Variants in ZFHX3 observed in about 807,000 individuals in gnomAD.
ZFHX3 encodes the protein zinc finger homeobox protein 3.
ZFHX3 carries 42 observed loss-of-function variants against 279.1 expected under a neutral mutation model. The ratio of observed to expected loss-of-function variants is 0.15; its 90% confidence interval spans 0.12 to 0.19. The LOEUF is 0.19. Among genes scored for constraint, ZFHX3 ranks in the 10% least tolerant of loss-of-function variants. ZFHX3 has a pLI of 1.00. For synonymous variants in ZFHX3, 2,293 were observed against 1,957.8 expected, an observed-to-expected ratio of 1.17 and a Z score of -4.52; for missense variants, 4,981 against 4,754.0, an observed-to-expected ratio of 1.05 and a Z score of -1.40.
chr16:73,852,774 G>T (rs1260986265), intron 1 of ZFHX3, among the ~76,000 whole-genome samples: 1 of 152,172 alleles, frequency 6.6e-6, no homozygotes, highest in African/African-American at 2.4e-5. Flanking sequence ...TGTTGGCTAG[G>T]ATTAGATCCT....
intron 2 of ZFHX3, among the ~76,000 whole-genome samples, chr16:73,540,165 C>A (rs1286030527): frequency 6.6e-6 from 1 of 152,170 alleles, no homozygotes; most frequent in Non-Finnish European, 1.5e-5. Flanking sequence ...GCCTGACGTG[C>A]CTGCTGGTTT....
At chr16:72,867,533 G>A (rs777164188) in intron 4 of ZFHX3, among the ~76,000 whole-genome samples, 8 of 152,144 alleles carry the variant, frequency 5.3e-5, no homozygotes, top group East Asian at 3.8e-4. Context: ...CCATGCTAAC[G>A]TTAATACCCT....
At chr16:73,619,560 T>C (rs532106886) in intron 2 of ZFHX3, among the ~76,000 whole-genome samples, 1 of 151,922 alleles carries the variant, frequency 6.6e-6, no homozygotes, top group African/African-American at 2.4e-5. Flanking sequence ...GCATTGCCTT[T>C]TTTGAACTCA....
At chr16:73,870,369 G>A (rs143199142) in intron 1 of ZFHX3, among the ~76,000 whole-genome samples, 4 of 152,190 alleles carry the variant, frequency 2.6e-5, no homozygotes, top group East Asian at 1.9e-4. Context: ...CGAAGCGTCC[G>A]CCCCACATGT....
chr16:73,451,082 C>A (rs563868116), intron 3 of ZFHX3, among the ~76,000 whole-genome samples: 1 of 152,286 alleles, frequency 6.6e-6, no homozygotes, highest in Non-Finnish European at 1.5e-5. Flanking sequence ...TCATAAGGCT[C>A]TCATGAGGCC....
intron 7 of ZFHX3, among the ~76,000 whole-genome samples, chr16:72,802,771 C>A (rs527360645): frequency 7.2e-5 from 11 of 152,310 alleles, no homozygotes; most frequent in African/African-American, 2.6e-4. Context: ...TCCCTTTGCC[C>A]ATTCTTCCCT....
rs184043052 is a variant in ZFHX3 at position 73,875,375 on chromosome 16, A to T, written c.-1608+16276T>A. Among the ~76,000 whole-genome samples, 258 of 152,318 alleles carry T rather than the reference A, an allele frequency of 1.7e-3. 1 individual carries two copies. Among genetic ancestry groups the T allele is most frequent in the African/African-American group, 5.7e-3 (238 of 41,588 alleles). On this transcript the variant is annotated intron_variant, in intron 1 of 17. Transcript: ENST00000641206. ...GCACGTAAGGTGCAAACACAGTTAC[A>T]AGGTTTTGCTGATTATTGTTATAAA...
rs535128076 is a variant in ZFHX3 at position 73,309,029 on chromosome 16, T to A, written c.-1194+9211A>T. 2.6e-5 allele frequency among the ~76,000 whole-genome samples: 4 copies of A among 152,244 alleles called. No individual in the cohort carries two copies. The South Asian group carries it at 8.3e-4, about 32-fold the overall frequency. Reference sequence around the variant, plus strand: ...AAAACAAGAAAGGGTGTTCCAAGATTGTGGAACACAGATGGGAAGCTATGA... The same window carrying A: ...AAAACAAGAAAGGGTGTTCCAAGATAGTGGAACACAGATGGGAAGCTATGA... On this transcript the variant is annotated intron_variant, in intron 4 of 17. Transcript: ENST00000641206.
chr16:73,133,059 A>C (rs1233348979), intron 6 of ZFHX3, among the ~76,000 whole-genome samples: 1 of 152,162 alleles, frequency 6.6e-6, no homozygotes, highest in Non-Finnish European at 1.5e-5. Flanking sequence ...GTGTTTTAAG[A>C]AGTTCAGAGC....
chr16:73,373,922 A>G (rs1333357124), intron 3 of ZFHX3, among the ~76,000 whole-genome samples: 1 of 152,258 alleles, frequency 6.6e-6, no homozygotes, highest in African/African-American at 2.4e-5. Flanking sequence ...GCTAAAATAA[A>G]TGCTATGTTA....
chr16:73,876,651 C>T (rs1449020708), intron 1 of ZFHX3, among the ~76,000 whole-genome samples: 3 of 152,132 alleles, frequency 2.0e-5, no homozygotes, highest in Non-Finnish European at 4.4e-5. Flanking sequence ...AATCAACTCC[C>T]CAGTTGGATA....
At chr16:73,055,014 T>G (rs1388110671) in intron 1 of ZFHX3, among the ~76,000 whole-genome samples, 1 of 150,568 alleles carries the variant, frequency 6.6e-6, no homozygotes, top group African/African-American at 2.5e-5. Context: ...AAGGGGTGAG[T>G]GAATTCTGTG....
At chr16:73,742,891 A>C (rs1355567031) in intron 1 of ZFHX3, among the ~76,000 whole-genome samples, 2 of 152,346 alleles carry the variant, frequency 1.3e-5, no homozygotes, top group East Asian at 3.9e-4. Flanking sequence ...CAATAAGGAA[A>C]CTGGCAGGTT....
chr16:73,206,718 A>G (rs1452886619), intron 5 of ZFHX3, among the ~76,000 whole-genome samples: 1 of 152,156 alleles, frequency 6.6e-6, no homozygotes, highest in Non-Finnish European at 1.5e-5. Flanking sequence ...CAGAATGCTC[A>G]GAAAATATCT....
Position 72,788,067 on chromosome 16 carries a change from G to C in ZFHX3, c.10209C>G (p.Val3403=), listed in dbSNP as rs779040466. The change falls in exon 10 of 10, where the codon GTC becomes GTG. Residue 3403 remains valine, a synonymous_variant. Coordinates refer to ENST00000268489, the MANE Select transcript of ZFHX3 (RefSeq NM_006885.4). ...QQQPKASQTP[V]PPGAPSPDKD... ...TGTCTGGGGAAGGAGCCCCGGGGGG[G>C]ACTGGGGTTTGGCTTGCTTTGGGCT... The C allele has an allele frequency of 1.6e-5, 26 of 1,611,806 alleles. No homozygotes were observed. The highest frequency in any genetic ancestry group is 1.9e-5 in the Non-Finnish European group (23 of 1,179,834).
chr16:73,028,670 C>A (rs908555342), intron 1 of ZFHX3, among the ~76,000 whole-genome samples: 1 of 152,192 alleles, frequency 6.6e-6, no homozygotes, highest in South Asian at 2.1e-4. Context: ...GCCAAGACCC[C>A]CACTGGTGGC....
intron 1 of ZFHX3, among the ~76,000 whole-genome samples, chr16:73,885,304 A>G (rs1298558926): frequency 6.6e-6 from 1 of 152,180 alleles, no homozygotes; most frequent in African/African-American, 2.4e-5. Context: ...GAAATAATGT[A>G]ATTTATTTTT....
intron 2 of ZFHX3, among the ~76,000 whole-genome samples, chr16:73,591,715 A>AAC (rs2052001155): frequency 7.0e-6 from 1 of 142,422 alleles, no homozygotes; most frequent in Non-Finnish European, 1.6e-5. Context: ...AAAAAAAAAA[A>AAC]AAAGAAAAGA....
chr16:72,961,112 C>T (rs557878738), intron 1 of ZFHX3, among the ~76,000 whole-genome samples: 2 of 152,174 alleles, frequency 1.3e-5, no homozygotes, highest in East Asian at 1.9e-4. Context: ...GCCAACACCC[C>T]CTCCAGCAGC....
Sources: allele counts gnomAD v4.1 joint callset (sites outside exome capture counted in the v4.1 genomes callset), GRCh38; gene constraint gnomAD v4.1.1; transcripts MANE v1.5; gene names NCBI Gene and HGNC (gene_info 2026-07-23, HGNC 2026-07-21).